Variants in POU6F2 observed in about 807,000 individuals in gnomAD.
POU6F2 encodes POU class 6 homeobox 2.
Under a neutral mutation model 71.3 loss-of-function variants are expected in POU6F2, and 31 were observed. The observed-to-expected ratio is 0.43, with a 90% CI of 0.33 to 0.59. POU6F2 has a LOEUF of 0.59. Among genes scored for constraint, POU6F2 ranks in the 20% least tolerant of loss-of-function variants. POU6F2 has a pLI of 0.04. For missense variants in POU6F2, 783 were observed against 856.8 expected (o/e 0.91, Z 1.07); for synonymous variants, 347 against 355.7 (o/e 0.98, Z 0.27).
At chr7:39,097,070 T>C (rs1325474734) in intron 2 of POU6F2, among the ~76,000 whole-genome samples, 12 of 152,186 alleles carry the variant, frequency 7.9e-5, no homozygotes, top group Admixed American at 7.9e-4. Flanking sequence ...TGTTTTACAA[T>C]GGTTATCAAG....
At chr7:39,139,496 T>C (rs1164075267) in intron 2 of POU6F2, among the ~76,000 whole-genome samples, 1 of 152,220 alleles carries the variant, frequency 6.6e-6, no homozygotes, top group African/African-American at 2.4e-5. Flanking sequence ...CTTAGTTTTC[T>C]AAATAAATTG....
At chr7:39,023,208 G>A (rs1476134186) in intron 1 of POU6F2, among the ~76,000 whole-genome samples, 1 of 151,866 alleles carries the variant, frequency 6.6e-6, no homozygotes, top group African/African-American at 2.4e-5. Context: ...TAATTGTTTT[G>A]CAGGAATTTA....
At chr7:39,406,495 T>A (rs1022071290) in intron 5 of POU6F2, 105 bp from the exon 6 acceptor site, 6 of 1,379,404 alleles carry the variant, frequency 4.3e-6, no homozygotes, top group Non-Finnish European at 5.9e-6. Context: ...GCCCTTTGCA[T>A]GAGCGAATTG....
At position 39,085,952 on chromosome 7, in the gene POU6F2, T is replaced by C; in HGVS notation, c.198T>C (p.Thr66=). The change falls in exon 2 of 10, where the codon ACT becomes ACC. Residue 66 remains threonine (T), a synonymous_variant. Coordinates refer to ENST00000518318, the MANE Select transcript of POU6F2 (RefSeq NM_001370959.1). ...AELRGEDKAA[T]SDSELNEPLL... The stretch of plus-strand genomic sequence containing the variant: ...TGAGAGGTGAGGACAAGGCTGCTAC[T>C]TCAGACAGCGAGCTGAATGAGCCCC... The C allele has an allele frequency of 1.2e-6, 2 of 1,613,756 alleles. No individual in the cohort carries two copies. The highest frequency in any genetic ancestry group is 1.3e-5 in the African/African-American group (1 of 75,022).
chr7:39,325,301 T>G (rs1259975009), intron 4 of POU6F2, among the ~76,000 whole-genome samples: 1 of 152,178 alleles, frequency 6.6e-6, no homozygotes, highest in African/African-American at 2.4e-5. Flanking sequence ...GTCTTAGATT[T>G]CATCTGTAAA....
At chr7:39,094,403 A>G (rs905370259) in intron 2 of POU6F2, among the ~76,000 whole-genome samples, 1 of 152,120 alleles carries the variant, frequency 6.6e-6, no homozygotes, top group Non-Finnish European at 1.5e-5. Context: ...CAATATAAAT[A>G]TTTATCCTTT....
chr7:39,234,659 C>G (rs757928307), intron 4 of POU6F2, among the ~76,000 whole-genome samples: 9 of 152,116 alleles, frequency 5.9e-5, no homozygotes, highest in Non-Finnish European at 8.8e-5. Flanking sequence ...TCTCTAGGTG[C>G]AAAAGCATCT....
chr7:39,445,393 T>C (rs1788500659), intron 7 of POU6F2, among the ~76,000 whole-genome samples: 1 of 152,204 alleles, frequency 6.6e-6, no homozygotes, highest in Non-Finnish European at 1.5e-5. Context: ...AGCTAACTTC[T>C]CTGGTCTCAC....
intron 4 of POU6F2, among the ~76,000 whole-genome samples, chr7:39,230,898 G>A (rs1331271454): frequency 6.6e-6 from 1 of 152,152 alleles, no homozygotes; most frequent in Admixed American, 6.5e-5. Context: ...GAAGGTGCTA[G>A]ACAAAGAATA....
rs368062864 is a variant in POU6F2 at position 39,382,481 on chromosome 7, C to T, written c.973-24119C>T. Among the ~76,000 whole-genome samples the T allele has an allele frequency of 7.9e-5, 12 of 152,270 alleles. 1 individual carries two copies. The highest frequency in any genetic ancestry group is 2.0e-4 in the Admixed American group (3 of 15,300). Reference sequence around the variant, plus strand: ...GGGTGAGGCAGGCAACTGGAATAGACCCCACCCCAGCCACGGATCTCAGGG... The same window carrying T: ...GGGTGAGGCAGGCAACTGGAATAGATCCCACCCCAGCCACGGATCTCAGGG... On this transcript the variant is annotated intron_variant, in intron 5 of 9. Coordinates refer to ENST00000518318, the MANE Select transcript of POU6F2 (RefSeq NM_001370959.1).
At position 39,056,658 on chromosome 7, in the gene POU6F2, C is replaced by CTGTG. The variant is rs1225739580; in HGVS notation, c.106-29201_106-29200insGTGT. ...TCTCTCTTTCTCTTTTTCTCTCTCT[C>CTGTG]TCTCTGTGTGTGTGTGTGTATGTGT... On this transcript the variant is annotated intron_variant, in intron 1 of 9. Transcript: ENST00000518318. 6.6e-4 allele frequency among the ~76,000 whole-genome samples: 84 copies of CTGTG among 127,770 alleles called. 1 individual carries two copies. The highest frequency in any genetic ancestry group is 2.1e-3 in the African/African-American group (69 of 32,582). The allele number at this position is 127,770 out of a possible 152,430, so 83.8% of individuals were successfully genotyped here. A position where few individuals can be genotyped will look rare whatever the true frequency, so the allele number is the denominator to read the frequency against.
intron 4 of POU6F2, among the ~76,000 whole-genome samples, chr7:39,256,994 G>A (rs763589549): frequency 2.0e-4 from 31 of 152,210 alleles, no homozygotes; most frequent in Non-Finnish European, 3.5e-4. Context: ...AACTAATACC[G>A]CATAGGAGTC....
chr7:39,223,755 A>G (rs372106537), intron 4 of POU6F2, among the ~76,000 whole-genome samples: 3 of 152,172 alleles, frequency 2.0e-5, no homozygotes, highest in South Asian at 2.1e-4. Context: ...TGCCATATTC[A>G]TGCTTTAGCC....
At chr7:39,085,676 T>C (rs1461218489) in intron 1 of POU6F2, 184 bp from the exon 2 acceptor site, 9 of 604,814 alleles carry the variant, frequency 1.5e-5, no homozygotes, top group African/African-American at 5.6e-5. Context: ...GGATCTGTAA[T>C]AGCTCTTCAC....
At chr7:39,410,613 G>A (rs961030186) in intron 6 of POU6F2, among the ~76,000 whole-genome samples, 2 of 152,100 alleles carry the variant, frequency 1.3e-5, no homozygotes, top group African/African-American at 4.8e-5. Flanking sequence ...AATTACTTGA[G>A]CTCTCTGAGC....
rs533746458 is a variant in POU6F2 at position 39,465,989 on chromosome 7, A to G, written c.*1303A>G. ...ACACACAAAGAAACAGGCTAAAAAG[A>G]AAGTGATAGCAACTGGATCATTAAA... On this transcript the variant is annotated 3_prime_UTR_variant, in exon 10 of 10. Transcript: ENST00000518318. 1 of 152,346 alleles carries G rather than the reference A, an allele frequency of 6.6e-6. No homozygotes were observed. Among genetic ancestry groups the G allele is most frequent in the Non-Finnish European group, 1.5e-5 (1 of 68,036 alleles). The allele number at this position is 152,346 out of a possible 1,614,324, so 9.4% of individuals were successfully genotyped here.
chr7:39,155,064 A>C (rs988665115), intron 2 of POU6F2, among the ~76,000 whole-genome samples: 3 of 152,148 alleles, frequency 2.0e-5, no homozygotes, highest in Admixed American at 1.3e-4. Context: ...CCTGAAAGTG[A>C]AAGTTGAGTA....
intron 1 of POU6F2, among the ~76,000 whole-genome samples, chr7:38,998,654 A>ATT (rs35912432): frequency 0.11 from 15,258 of 143,466 alleles, 891 homozygotes; most frequent in East Asian, 0.14. Context: ...TGTTAATCAC[A>ATT]TTTTTTTTTT....
chr7:39,215,907 A>G (rs1309187804), intron 4 of POU6F2, among the ~76,000 whole-genome samples: 3 of 152,252 alleles, frequency 2.0e-5, no homozygotes. Context: ...CATATGGGTC[A>G]TAGGTGTGCA....
Sources: allele counts gnomAD v4.1 joint callset (sites outside exome capture counted in the v4.1 genomes callset), GRCh38; gene constraint gnomAD v4.1.1; transcripts MANE v1.5; gene names NCBI Gene and HGNC (gene_info 2026-07-23, HGNC 2026-07-21).